Variants in NEB observed in about 807,000 individuals in gnomAD.
NEB encodes nemaline myopathy type 2.
A neutral mutation model predicts 952.2 loss-of-function variants in NEB; 512 were observed. That is an observed-to-expected ratio of 0.54 (90% CI 0.50 to 0.58). The LOEUF (loss-of-function observed/expected upper bound fraction) is 0.58. NEB is among the 20% of genes least tolerant of loss of function. The probability of loss-of-function intolerance (pLI) is 0.00; values close to 1 mark genes in which losing one functional copy is unlikely to be tolerated. For synonymous variants in NEB, 2,900 were observed against 3,149.8 expected (o/e 0.92, Z 2.66); for missense variants, 8,428 against 9,231.1 (o/e 0.91, Z 3.56).
chr2:151,541,371 T>C, intron 136 of NEB, 76 bp downstream of exon 136: 1 of 1,082,542 alleles, frequency 9.2e-7, no homozygotes, highest in East Asian at 2.4e-5. Flanking sequence ...AGTCTGCCAC[T>C]GGCCAGGTGA....
At chr2:151,623,180 T>C (rs1236830825) in intron 71 of NEB, among the ~76,000 whole-genome samples, 1 of 152,222 alleles carries the variant, frequency 6.6e-6, no homozygotes, top group Non-Finnish European at 1.5e-5. Context: ...CAATCTATGA[T>C]TGAACAATTT....
chr2:151,569,193 G>A, intron 110 of NEB, 75 bp downstream of exon 110: 1 of 1,165,082 alleles, frequency 8.6e-7, no homozygotes, highest in African/African-American at 1.5e-5. Context: ...GATATTAGAT[G>A]ACTATATTTT....
In NEB at chr2:151,604,001, G is replaced by A. The variant is rs1446870982; in HGVS notation, c.13060-229C>T. 5.6e-5 allele frequency among the ~76,000 whole-genome samples: 8 copies of A among 142,838 alleles called. No individual in the cohort carries two copies. The East Asian group carries it at 1.6e-3, about 29-fold the overall frequency. 93.7% of individuals were successfully genotyped at this position (142,838 alleles called of 152,430 possible). A position where few individuals can be genotyped will look rare whatever the true frequency, so the allele number is the denominator to read the frequency against. On this transcript the variant is annotated intron_variant, in intron 85 of 181. Coordinates refer to ENST00000397345, the MANE Select transcript of NEB (RefSeq NM_001164508.2). ...ACAGGGCTCACAAGTGGCACTTGGT[G>A]GAACGGCAGCCAGCAATGGCACATA...
At position 151,493,830 on chromosome 2, in the gene NEB, G is replaced by C; in HGVS notation, c.24617C>G (p.Thr8206Arg). ...TCTTTCCATCTCAGGAGTAAAGGGT[G>C]TGGGGGTTGCTTTCCCCAGGTTCTC... ...YKENLGKATP[T>R]PFTPEMERVK... is the part of the protein sequence containing the mutation. The change falls in exon 175 of 182, where the codon ACA (threonine) becomes AGA (arginine). Residue 8206 changes from threonine (T) to arginine (R), a missense_variant. Thr to Arg is a moderately conservative substitution (Grantham distance 71). Transcript: ENST00000397345. The C allele has an allele frequency of 6.3e-7, 1 of 1,586,410 alleles. No individual in the cohort carries two copies. The highest frequency in any genetic ancestry group is 8.6e-7 in the Non-Finnish European group (1 of 1,165,218).
chr2:151,650,966 TC>T, intron 52 of NEB, 81 bp from the exon 53 acceptor site: 2 of 1,372,100 alleles, frequency 1.5e-6, no homozygotes, highest in Non-Finnish European at 2.0e-6. Context: ...TTTCTTTCTT[TC>T]TTTTTTTTGA....
In NEB at chr2:151,568,418, C is replaced by CT. The variant is rs2096505668; in HGVS notation, c.17635-2dup. ...CATTCCAGTCTTTCCGGTATTTAAT[C>CT]TAAAAAAAAAAAAATGAGAGGCAAG... On this transcript the variant is annotated splice_acceptor_variant, in intron 111 of 181. Coordinates refer to ENST00000397345, the MANE Select transcript of NEB (RefSeq NM_001164508.2). LOFTEE classifies it high-confidence loss of function. 1 of 1,463,574 alleles carries CT rather than the reference C, an allele frequency of 6.8e-7. No individual in the cohort carries two copies. The highest frequency in any genetic ancestry group is 9.2e-7 in the Non-Finnish European group (1 of 1,087,594). The allele number at this position is 1,463,574 out of a possible 1,614,324, so 90.7% of individuals were successfully genotyped here. A position where few individuals can be genotyped will look rare whatever the true frequency, so the allele number is the denominator to read the frequency against.
chr2:151,526,158 C>T lies in NEB; in HGVS notation c.22050G>A (p.Glu7350=). Residue 7350 remains glutamate, a splice_region_variant and synonymous_variant, in exon 149 of 182, where the codon GAG becomes GAA. Transcript: ENST00000397345. ...GAACTCATGGGCGGCTGGGGGTTACCTCAGACACCAGGTTGCTGACAGTCT... is the reference window on the plus strand; with the variant it reads ...GAACTCATGGGCGGCTGGGGGTTACTTCAGACACCAGGTTGCTGACAGTCT... ...LAKTVSNLVS[E]NKYKDHVKKH... 1.9e-6 allele frequency: 3 copies of T among 1,613,948 alleles called. No individual in the cohort carries two copies. The highest frequency in any genetic ancestry group is 2.5e-6 in the Non-Finnish European group (3 of 1,179,830).
intron 150 of NEB, 26 bp from the exon 151 acceptor site, chr2:151,525,299 T>C: frequency 6.7e-7 from 1 of 1,499,816 alleles, no homozygotes; most frequent in African/African-American, 1.4e-5. Context: ...ATTACTTTTA[T>C]GAGTAGAGGA....
intron 55 of NEB, 60 bp downstream of exon 55, chr2:151,646,070 C>G (rs955069834): frequency 4.8e-6 from 6 of 1,261,844 alleles, no homozygotes; most frequent in Non-Finnish European, 6.7e-6. Flanking sequence ...GACAATTTCA[C>G]TGATTTAGAA....
chr2:151,496,915 GT>G (rs762961586), intron 172 of NEB, 25 bp downstream of exon 172: 3 of 1,527,576 alleles, frequency 2.0e-6, no homozygotes, highest in East Asian at 2.4e-5. Flanking sequence ...TCAGTAAGTA[GT>G]TTTTTTCTTT....
intron 76 of NEB, 64 bp from the exon 77 acceptor site, chr2:151,614,651 C>T (rs1016091147): frequency 2.7e-6 from 4 of 1,475,110 alleles, no homozygotes; most frequent in Non-Finnish European, 3.7e-6. Context: ...TTCATAGGTT[C>T]ACATTCACAT....
chr2:151,509,899 C>G (rs116013237), intron 161 of NEB, among the ~76,000 whole-genome samples: 2,264 of 152,292 alleles, frequency 0.015, 81 homozygotes, highest in East Asian at 0.14. Flanking sequence ...CGAGCCACTG[C>G]GCCCGACCAA....
At chr2:151,525,881 G>C in intron 150 of NEB, 77 bp downstream of exon 150, 1 of 1,126,848 alleles carries the variant, frequency 8.9e-7, no homozygotes, top group Non-Finnish European at 1.4e-6. Context: ...GAAGCAAAAG[G>C]CAACTGACAT....
Position 151,674,493 on chromosome 2 carries a change from C to T in NEB, c.3971G>A (p.Arg1324Lys), listed in dbSNP as rs372680461. Reference protein sequence around the residue: ...AIPITAAKASRNIASDYKYKE... With the variant: ...AIPITAAKASKNIASDYKYKE... ...TGTACTCACATCACTGGCAATGTTTCTCGATGCCTTGGCTGCAGTGATGGG... is the reference window on the plus strand; with the variant it reads ...TGTACTCACATCACTGGCAATGTTTTTCGATGCCTTGGCTGCAGTGATGGG... Residue 1324 changes from arginine to lysine, a missense_variant, in exon 36 of 182, where the codon AGA becomes AAA. By Grantham distance (26) the Arg-to-Lys change is conservative. Around this residue, in one of 11 missense-constraint regions of NEB, gnomAD observed 2,851 missense variants for 2,791.5 expected, o/e 1.02. Coordinates refer to ENST00000397345, the MANE Select transcript of NEB (RefSeq NM_001164508.2). The T allele has an allele frequency of 8.7e-6, 14 of 1,613,880 alleles. No homozygotes were observed. The highest frequency in any genetic ancestry group is 1.1e-5 in the Non-Finnish European group (13 of 1,179,768).
At chr2:151,672,838 A>T (rs1267265430) in intron 36 of NEB, among the ~76,000 whole-genome samples, 158 bp from the exon 37 acceptor site, 1 of 152,222 alleles carries the variant, frequency 6.6e-6, no homozygotes, top group Non-Finnish European at 1.5e-5. Context: ...GTGAAAACAT[A>T]TATTGGAGTT....
chr2:151,562,306 A>T, intron 120 of NEB, 92 bp from the exon 121 acceptor site: 3 of 1,133,910 alleles, frequency 2.6e-6, no homozygotes, highest in Non-Finnish European at 4.0e-6. Flanking sequence ...GGCTGTGCTT[A>T]TTGCTTAGAA....
chr2:151,659,293 AATTT>A (rs778752206), intron 46 of NEB, 124 bp from the exon 47 acceptor site: 94 of 555,388 alleles, frequency 1.7e-4, no homozygotes, highest in Middle Eastern at 4.0e-4. Context: ...TAAATTAATT[AATTT>A]ATTTATTTAT....
At chr2:151,623,666 C>T (rs2098460861) in intron 71 of NEB, among the ~76,000 whole-genome samples, 1 of 151,936 alleles carries the variant, frequency 6.6e-6, no homozygotes, top group Admixed American at 6.6e-5. Context: ...TAAGAAAAAG[C>T]TAAAGTAAAA....
intron 54 of NEB, among the ~76,000 whole-genome samples, chr2:151,647,720 C>T (rs1032594081): frequency 3.3e-5 from 5 of 151,966 alleles, no homozygotes; most frequent in African/African-American, 1.2e-4. Context: ...ATGTTCTTTA[C>T]GAATGTCAAA....
Sources: gnomAD v4.1 joint callset for allele counts (sites outside exome capture counted in the v4.1 genomes callset) on GRCh38, gnomAD v4.1.1 for gene constraint, gnomAD v4.1.1 regional missense constraint, MANE v1.5 for transcripts, NCBI Gene and HGNC (gene_info 2026-07-23, HGNC 2026-07-21) for gene names.